SRPK2: variants seen among roughly 807,000 people sequenced by gnomAD.
The protein encoded by SRPK2 is SFRS protein kinase 2.
A neutral mutation model predicts 90.8 loss-of-function variants in SRPK2; 21 were observed. That is an observed-to-expected ratio of 0.23 (90% confidence interval 0.16 to 0.33). The LOEUF (loss-of-function observed/expected upper bound fraction) is 0.33. SRPK2 is among the 10% of genes least tolerant of loss of function. The pLI is 1.00. For missense variants in SRPK2, 620 were observed against 869.0 expected, an observed-to-expected ratio of 0.71 and a Z score of 3.60; for synonymous variants, 288 against 311.1, an observed-to-expected ratio of 0.93 and a Z score of 0.78.
chr7:105,376,757 C>T (rs1469399090), intron 2 of SRPK2, among the ~76,000 whole-genome samples: 1 of 151,424 alleles, frequency 6.6e-6, no homozygotes, highest in African/African-American at 2.4e-5. Flanking sequence ...AGGCTGGTCT[C>T]GAACTCCTGA....
At chr7:105,134,432 T>G (rs1246100013) in intron 11 of SRPK2, among the ~76,000 whole-genome samples, 2 of 152,230 alleles carry the variant, frequency 1.3e-5, no homozygotes, top group Admixed American at 6.5e-5. Context: ...CAGCCATGCT[T>G]CCTGTACAGC....
At chr7:105,245,838 C>A (rs1801583364) in intron 2 of SRPK2, among the ~76,000 whole-genome samples, 1 of 152,200 alleles carries the variant, frequency 6.6e-6, no homozygotes, top group South Asian at 2.1e-4. Context: ...CCCACCTCAG[C>A]TGCCAGAGTA....
At chr7:105,205,429 T>C (rs182219920) in intron 2 of SRPK2, among the ~76,000 whole-genome samples, 7 of 151,994 alleles carry the variant, frequency 4.6e-5, no homozygotes, top group East Asian at 1.9e-4. Context: ...GACATCAGGA[T>C]TGTAGTGATG....
At chr7:105,295,826 T>A (rs1809741706) in intron 2 of SRPK2, among the ~76,000 whole-genome samples, 1 of 152,208 alleles carries the variant, frequency 6.6e-6, no homozygotes, top group Non-Finnish European at 1.5e-5. Flanking sequence ...AATATTTCTC[T>A]TGGATAACAT....
chr7:105,245,580 C>G (rs1018750015), intron 2 of SRPK2, among the ~76,000 whole-genome samples: 1 of 152,134 alleles, frequency 6.6e-6, no homozygotes, highest in Admixed American at 6.5e-5. Context: ...GAAAGCAGTA[C>G]AGCGAGTTTT....
intron 15 of SRPK2, chr7:105,125,823 G>C: frequency 7.7e-7 from 1 of 1,293,224 alleles, no homozygotes; most frequent in Non-Finnish European, 1.0e-6. Flanking sequence ...CCCCAACATA[G>C]CGTATTTTCG....
At chr7:105,174,228 T>C (rs1791540545) in intron 3 of SRPK2, among the ~76,000 whole-genome samples, 1 of 152,132 alleles carries the variant, frequency 6.6e-6, no homozygotes, top group Non-Finnish European at 1.5e-5. Context: ...ACTCTACCTA[T>C]GCTAATAAGA....
chr7:105,292,497 CAAA>C (rs397889533), intron 2 of SRPK2, among the ~76,000 whole-genome samples: 1,208 of 74,650 alleles, frequency 0.016, 15 homozygotes, highest in African/African-American at 0.043. Context: ...GTAAGACTCT[CAAA>C]AAAAAAAAAA....
intron 2 of SRPK2, among the ~76,000 whole-genome samples, chr7:105,322,546 A>G (rs1385586859): frequency 1.3e-5 from 2 of 152,210 alleles, no homozygotes; most frequent in African/African-American, 4.8e-5. Flanking sequence ...AACACAGACA[A>G]AAATGCATAT....
chr7:105,283,353 A>G (rs1807595326), intron 2 of SRPK2, among the ~76,000 whole-genome samples: 1 of 152,256 alleles, frequency 6.6e-6, no homozygotes, highest in African/African-American at 2.4e-5. Context: ...AAATGTTCAC[A>G]GCAGCATTAC....
At chr7:105,346,040 A>T (rs912581107) in intron 2 of SRPK2, among the ~76,000 whole-genome samples, 8 of 152,200 alleles carry the variant, frequency 5.3e-5, no homozygotes, top group African/African-American at 1.7e-4. Flanking sequence ...TCTTTCTTTT[A>T]AAAAAGAGTG....
intron 2 of SRPK2, among the ~76,000 whole-genome samples, chr7:105,223,368 C>T (rs1022637642): frequency 6.6e-6 from 1 of 152,206 alleles, no homozygotes; most frequent in Non-Finnish European, 1.5e-5. Context: ...CCAGACAGAA[C>T]ACGGAGTTGA....
At chr7:105,387,795 G>A (rs1205604384) in intron 2 of SRPK2, among the ~76,000 whole-genome samples, 1 of 152,194 alleles carries the variant, frequency 6.6e-6, no homozygotes, top group Non-Finnish European at 1.5e-5. Flanking sequence ...TTAGGAGAGA[G>A]GAGTGGAAAA....
chr7:105,351,773 C>A (rs1281177515), intron 2 of SRPK2, among the ~76,000 whole-genome samples: 3 of 146,664 alleles, frequency 2.0e-5, no homozygotes, highest in African/African-American at 7.6e-5. Context: ...CATTGCACTC[C>A]AGCCTGGGAG....
intron 3 of SRPK2, among the ~76,000 whole-genome samples, chr7:105,194,556 A>G (rs1794687392): frequency 6.6e-6 from 1 of 152,202 alleles, no homozygotes; most frequent in African/African-American, 2.4e-5. Context: ...TCTATAACCC[A>G]TCAAAACCAC....
intron 2 of SRPK2, among the ~76,000 whole-genome samples, chr7:105,348,068 CTTTTTTTTT>C (rs770159031): frequency 1.2e-5 from 1 of 80,998 alleles, no homozygotes; most frequent in Non-Finnish European, 2.2e-5. Context: ...GCTTGGCAAA[CTTTTTTTTT>C]TTTTTTTTTT....
chr7:105,242,339 C>A (rs1800923801), intron 2 of SRPK2, among the ~76,000 whole-genome samples: 1 of 152,044 alleles, frequency 6.6e-6, no homozygotes, highest in African/African-American at 2.4e-5. Flanking sequence ...TGGTGAAACC[C>A]CATCTCTACT....
intron 2 of SRPK2, among the ~76,000 whole-genome samples, chr7:105,301,269 C>T (rs1261282537): frequency 1.4e-5 from 2 of 146,100 alleles, no homozygotes; most frequent in African/African-American, 2.5e-5. Context: ...CGTGAAACCC[C>T]GTCTCTACTA....
chr7:105,221,889 G>C (rs1349185073), intron 2 of SRPK2, among the ~76,000 whole-genome samples: 1 of 152,084 alleles, frequency 6.6e-6, no homozygotes, highest in Non-Finnish European at 1.5e-5. Context: ...ATTCTTTACA[G>C]CCCTAGTATC....
Sources: allele counts gnomAD v4.1 joint callset (sites outside exome capture counted in the v4.1 genomes callset), GRCh38; gene constraint gnomAD v4.1.1; transcripts MANE v1.5; gene names NCBI Gene and HGNC (gene_info 2026-07-23, HGNC 2026-07-21).